SYT16: variants seen among roughly 807,000 people sequenced by gnomAD.
SYT16 encodes the protein synaptotagmin-16.
In SYT16, 42 loss-of-function variants were observed where a neutral mutation model predicts 61.4. The ratio of observed to expected loss-of-function variants is 0.68; its 90% CI spans 0.53 to 0.89. The LOEUF (loss-of-function observed/expected upper bound fraction) is 0.89. Ranked by LOEUF, SYT16 falls within the 40% of genes least tolerant of loss-of-function variation. The probability of loss-of-function intolerance (pLI) is 0.00; values close to 1 mark genes in which losing one functional copy is unlikely to be tolerated. For synonymous variants in SYT16, 314 were observed against 302.3 expected (o/e 1.04, Z -0.40); for missense variants, 804 against 807.3 (o/e 1.00, Z 0.05).
intron 4 of SYT16, among the ~76,000 whole-genome samples, chr14:62,070,509 G>C (rs1428054683): frequency 1.3e-5 from 2 of 152,070 alleles, no homozygotes; most frequent in African/African-American, 4.8e-5. Context: ...TCAAAGCTAG[G>C]GCAGCCAGCT....
intron 3 of SYT16, among the ~76,000 whole-genome samples, chr14:62,004,792 C>T (rs1425287377): frequency 6.6e-6 from 1 of 152,176 alleles, no homozygotes; most frequent in East Asian, 1.9e-4. Context: ...TGAAGAGGTG[C>T]TCTTCATTAA....
At chr14:62,025,999 T>C (rs926217920) in intron 3 of SYT16, among the ~76,000 whole-genome samples, 1 of 152,212 alleles carries the variant, frequency 6.6e-6, no homozygotes, top group African/African-American at 2.4e-5. Flanking sequence ...TTTGGTTATG[T>C]GTGGTGATTC....
At chr14:62,017,613 A>G (rs868376366) in intron 3 of SYT16, among the ~76,000 whole-genome samples, 2 of 152,126 alleles carry the variant, frequency 1.3e-5, no homozygotes, top group Admixed American at 1.3e-4. Context: ...CATGTAATCC[A>G]TCAGCAACTC....
rs2056632752 is a variant in SYT16 at position 62,079,571 on chromosome 14, T to C, written c.994-1263T>C. ...GAGAACCATGAACTTTCACCCAGACTATGTGGGAAAGTTTCATTGATGGAT... is the reference window on the plus strand; with the variant it reads ...GAGAACCATGAACTTTCACCCAGACCATGTGGGAAAGTTTCATTGATGGAT... On this transcript the variant is annotated intron_variant, in intron 5 of 7. Coordinates refer to ENST00000683842, the MANE Select transcript of SYT16 (RefSeq NM_001367656.1). The C allele has an allele frequency of 1.8e-5, 3 of 163,236 alleles. No individual in the cohort carries two copies. The Admixed American group carries it at 1.9e-4, about 10-fold the overall frequency. 10.1% of individuals were successfully genotyped at this position (163,236 alleles called of 1,614,324 possible).
chr14:61,851,834 CA>C (rs747037857), intron 1 of SYT16, among the ~76,000 whole-genome samples: 9 of 152,114 alleles, frequency 5.9e-5, no homozygotes, highest in Admixed American at 3.9e-4. Context: ...GGATAGATTG[CA>C]AAAATTTTCT....
chr14:61,935,112 T>C (rs2049925590), intron 1 of SYT16, among the ~76,000 whole-genome samples: 1 of 152,200 alleles, frequency 6.6e-6, no homozygotes, highest in African/African-American at 2.4e-5. Context: ...TGCCCATTCC[T>C]TTTTCCCCTC....
In SYT16 at chr14:62,102,542, T is replaced by C. The variant is rs1041033365; in HGVS notation, c.*1835T>C. On this transcript the variant is annotated 3_prime_UTR_variant, in exon 8 of 8. Coordinates refer to ENST00000683842, the MANE Select transcript of SYT16 (RefSeq NM_001367656.1). ...ATTATATCCATTAACTGCTGAGTGG[T>C]CTTTGCAGCGTGGCTAAGTCATTGA... 6.6e-6 allele frequency: 1 copy of C among 152,136 alleles called. No homozygotes were observed. Among genetic ancestry groups the C allele is most frequent in the Non-Finnish European group, 1.5e-5 (1 of 68,022 alleles). The allele number at this position is 152,136 out of a possible 1,614,324, so 9.4% of individuals were successfully genotyped here.
At chr14:62,017,724 T>C (rs1049061717) in intron 3 of SYT16, among the ~76,000 whole-genome samples, 12 of 135,786 alleles carry the variant, frequency 8.8e-5, no homozygotes, top group African/African-American at 2.4e-4. Context: ...CAGTGTGTGG[T>C]TTTTTTTTTT....
chr14:61,812,627 T>G (rs1489973822), upstream of SYT16: 1 of 143,438 alleles, frequency 7.0e-6, no homozygotes, highest in Non-Finnish European at 1.5e-5. Context: ...TGGCGGCTGC[T>G]GGGCGCGGGG....
intron 3 of SYT16, among the ~76,000 whole-genome samples, chr14:62,036,806 G>A (rs148294820): frequency 1.5e-3 from 223 of 152,272 alleles, no homozygotes; most frequent in African/African-American, 4.9e-3. Context: ...CATGACACAT[G>A]GGGATTATGG....
intron 1 of SYT16, among the ~76,000 whole-genome samples, chr14:61,869,196 C>T (rs58029631): frequency 0.024 from 3,699 of 151,896 alleles, 158 homozygotes; most frequent in African/African-American, 0.08. Flanking sequence ...AGATAGCATA[C>T]ATAGTTGAGT....
intron 1 of SYT16, 32 bp from the exon 2 acceptor site, chr14:61,970,097 GTGA>G (rs765082702): frequency 3.3e-5 from 5 of 152,158 alleles, no homozygotes; most frequent in Non-Finnish European, 5.9e-5. Flanking sequence ...CATTCTCATT[GTGA>G]TGATATTTTT....
Position 61,823,627 on chromosome 14 carries a change from C to CTGTAA in SYT16, c.-325+10818_-325+10822dup, listed in dbSNP as rs371972720. Among the ~76,000 whole-genome samples, 301 of 151,238 alleles carry CTGTAA rather than the reference C, an allele frequency of 2.0e-3. 3 individuals carry two copies. Among genetic ancestry groups the CTGTAA allele is most frequent in the African/African-American group, 6.5e-3 (268 of 41,226 alleles). The stretch of plus-strand genomic sequence containing the variant: ...ATTAGCTAGGTGTGGTGGTGCACAC[C>CTGTAA]TGTAACCCTAGGTACTCGGGAGGAT... On this transcript the variant is annotated intron_variant, in intron 1 of 7. Coordinates refer to ENST00000683842, the MANE Select transcript of SYT16 (RefSeq NM_001367656.1).
chr14:61,976,607 C>T (rs2051814450), intron 2 of SYT16, among the ~76,000 whole-genome samples: 1 of 152,184 alleles, frequency 6.6e-6, no homozygotes, highest in East Asian at 1.9e-4. Flanking sequence ...TGAAGCAACA[C>T]CCTGAGCTGT....
At chr14:62,068,104 A>C (rs192689016) in intron 3 of SYT16, among the ~76,000 whole-genome samples, 2 of 152,384 alleles carry the variant, frequency 1.3e-5, no homozygotes, top group East Asian at 3.9e-4. Context: ...TCCCATGCTC[A>C]CTGCAGCATT....
chr14:61,830,863 G>T (rs929151801), intron 1 of SYT16, among the ~76,000 whole-genome samples: 2 of 152,184 alleles, frequency 1.3e-5, no homozygotes, highest in Non-Finnish European at 2.9e-5. Flanking sequence ...GGAGGAGAAG[G>T]CGTGCTACTT....
At position 62,069,603 on chromosome 14, in the gene SYT16, T is replaced by C; in HGVS notation, c.524T>C (p.Val175Ala). 6.2e-7 allele frequency: 1 copy of C among 1,613,828 alleles called. No homozygotes were observed. Among genetic ancestry groups the C allele is most frequent in the Non-Finnish European group, 8.5e-7 (1 of 1,179,806 alleles). ...TLETVNGKKQVNSFGDDEELS... is the reference protein window; with the variant it reads ...TLETVNGKKQANSFGDDEELS... ...ACTCATGGCTCTTGTTTACTCCCAG[T>C]CAACAGCTTTGGGGATGACGAAGAG... The change falls in exon 4 of 8, where the codon GTC becomes GCC. Residue 175 changes from valine (V) to alanine (A), a missense_variant and splice_region_variant. Transcript: ENST00000683842.
intron 3 of SYT16, among the ~76,000 whole-genome samples, chr14:62,021,639 C>T (rs1178326857): frequency 6.7e-6 from 1 of 149,562 alleles, no homozygotes; most frequent in Non-Finnish European, 1.5e-5. Context: ...TGCTGTTTTC[C>T]ACAGTGCCTG....
intron 1 of SYT16, among the ~76,000 whole-genome samples, chr14:61,883,855 C>A (rs973173925): frequency 6.6e-6 from 1 of 152,144 alleles, no homozygotes; most frequent in Non-Finnish European, 1.5e-5. Context: ...AAAGCAGGCA[C>A]CTTCTTCACA....
Sources: allele counts gnomAD v4.1 joint callset (sites outside exome capture counted in the v4.1 genomes callset), GRCh38; gene constraint gnomAD v4.1.1; transcripts MANE v1.5; gene names NCBI Gene and HGNC (gene_info 2026-07-23, HGNC 2026-07-21).